CCDC158: variants seen among roughly 807,000 people sequenced by gnomAD.
CCDC158 encodes coiled-coil domain containing 158.
CCDC158 carries 116 observed loss-of-function variants against 138.6 expected under a neutral mutation model. The ratio of observed to expected loss-of-function variants is 0.84; its 90% CI spans 0.72 to 0.98. CCDC158 has a LOEUF of 0.98. Ranked by LOEUF, CCDC158 falls within the 50% of genes least tolerant of loss-of-function variation. The pLI is 0.00. For synonymous variants in CCDC158, 436 were observed against 442.4 expected (o/e 0.99, Z 0.18); for missense variants, 1,265 against 1,306.1 (o/e 0.97, Z 0.48).
At chr4:76,368,842 G>A (rs779522805) in intron 11 of CCDC158, among the ~76,000 whole-genome samples, 1 of 152,180 alleles carries the variant, frequency 6.6e-6, no homozygotes, top group Non-Finnish European at 1.5e-5. Flanking sequence ...TTAGGTAAAC[G>A]TGAAAAGGCA....
At chr4:76,353,383 T>C (rs1723239582) in intron 15 of CCDC158, 102 bp from the exon 16 acceptor site, 1 of 872,378 alleles carries the variant, frequency 1.1e-6, no homozygotes, top group South Asian at 1.9e-5. Context: ...CTGAACTAGG[T>C]AAGTTTAATT....
chr4:76,355,796 TAC>T, intron 14 of CCDC158, among the ~76,000 whole-genome samples: 1 of 96,540 alleles, frequency 1.0e-5, no homozygotes, highest in East Asian at 3.0e-4. Flanking sequence ...ATAATATATG[TAC>T]GTGTGTGTGT....
At chr4:76,413,043 A>T (rs999600735) in intron 1 of CCDC158, among the ~76,000 whole-genome samples, 1 of 152,070 alleles carries the variant, frequency 6.6e-6, no homozygotes, top group Non-Finnish European at 1.5e-5. Context: ...AGGCAACATC[A>T]CTTGTGCTTG....
intron 21 of CCDC158, 122 bp downstream of exon 21, chr4:76,331,222 C>A: frequency 2.4e-6 from 2 of 818,666 alleles, no homozygotes; most frequent in Non-Finnish European, 2.0e-6. Flanking sequence ...ATCTGTCTTG[C>A]TCACTATATT....
At chr4:76,369,235 T>TAAAC (rs1265892070) in intron 11 of CCDC158, among the ~76,000 whole-genome samples, 191 bp downstream of exon 11, 4 of 151,850 alleles carry the variant, frequency 2.6e-5, no homozygotes, top group Admixed American at 6.6e-5. Flanking sequence ...AATAAATAAA[T>TAAAC]AAACAAAAAA....
chr4:76,353,235 A>C lies in CCDC158; in HGVS notation c.2333T>G (p.Leu778Trp). ...GTTTTTTTCTGTGGCAACAGTACTCAATTCCTGACTGAGTTTACTTTTCTC... is the reference window on the plus strand; with the variant it reads ...GTTTTTTTCTGTGGCAACAGTACTCCATTCCTGACTGAGTTTACTTTTCTC... ...KEEKSKLSQE[L>W]STVATEKNKM... The change falls in exon 16 of 25, where the codon TTG (leucine) becomes TGG (tryptophan). Residue 778 changes from leucine to tryptophan, a missense_variant. Coordinates refer to ENST00000682701, the MANE Select transcript of CCDC158 (RefSeq NM_001394954.1). 2 of 1,612,368 alleles carry C rather than the reference A, an allele frequency of 1.2e-6. No individual in the cohort carries two copies. Among genetic ancestry groups the C allele is most frequent in the Non-Finnish European group, 1.7e-6 (2 of 1,179,380 alleles).
At chr4:76,399,390 C>T (rs1461830218) in intron 3 of CCDC158, among the ~76,000 whole-genome samples, 2 of 152,210 alleles carry the variant, frequency 1.3e-5, no homozygotes, top group East Asian at 3.9e-4. Context: ...TTGATAGGTG[C>T]GGCAAACCAC....
At chr4:76,319,197 G>GGGA (rs756800296) in intron 24 of CCDC158, among the ~76,000 whole-genome samples, 6 of 151,554 alleles carry the variant, frequency 4.0e-5, no homozygotes, top group Non-Finnish European at 8.8e-5. Flanking sequence ...GTGTGAACCC[G>GGGA]GGAGGCAGAG....
chr4:76,363,685 G>C (rs1314644360), intron 12 of CCDC158, among the ~76,000 whole-genome samples: 1 of 152,094 alleles, frequency 6.6e-6, no homozygotes. Flanking sequence ...AGTGAGCTTG[G>C]GGTAAGCAGG....
chr4:76,345,218 T>C (rs1324168412), intron 18 of CCDC158: 2 of 932,350 alleles, frequency 2.1e-6, no homozygotes, highest in Admixed American at 3.4e-5. Context: ...AAGTAGAGGG[T>C]CAAGTTTCAT....
chr4:76,375,428 A>T (rs1055761401), intron 9 of CCDC158: 49 of 538,060 alleles, frequency 9.1e-5, no homozygotes, highest in Admixed American at 3.0e-4. Flanking sequence ...GGGATGCTAC[A>T]GGCCAGCATG....
intron 21 of CCDC158, 103 bp downstream of exon 21, chr4:76,331,241 C>T: frequency 1.0e-6 from 1 of 975,598 alleles, no homozygotes; most frequent in Non-Finnish European, 1.6e-6. Context: ...TTCTAAGGGT[C>T]TACTGCAGTG....
In CCDC158 at chr4:76,367,398, G is replaced by A. The variant is rs1197433219; in HGVS notation, c.1726C>T (p.Gln576Ter). The change falls in exon 12 of 25, where the codon CAG becomes TAG. Residue 576 changes from glutamine to a stop codon, truncating the protein, a stop_gained. Transcript: ENST00000682701. LOFTEE classifies it high-confidence loss of function. ...ILRQQIENMTQLVGQHGRTAG... is the reference protein window; with the variant it reads ...ILRQQIENMT Reference sequence around the variant, plus strand: ...GTTCGTCCATGCTGGCCCACCAGCTGTGTCATGTTCTCAATCTGCTGTCGC... The same window carrying A: ...GTTCGTCCATGCTGGCCCACCAGCTATGTCATGTTCTCAATCTGCTGTCGC... 6.2e-7 allele frequency: 1 copy of A among 1,614,076 alleles called. No individual in the cohort carries two copies. The highest frequency in any genetic ancestry group is 8.5e-7 in the Non-Finnish European group (1 of 1,180,050).
In CCDC158 at chr4:76,403,173, T is replaced by A. The variant is rs762442108; in HGVS notation, c.35A>T (p.Asp12Val). 2.1e-5 allele frequency: 34 copies of A among 1,606,756 alleles called. No homozygotes were observed. The highest frequency in any genetic ancestry group is 2.8e-5 in the Non-Finnish European group (33 of 1,176,730). ...ESKAWESNNEDLLSSSGVTSN... is the reference protein window; with the variant it reads ...ESKAWESNNEVLLSSSGVTSN... ...TGTGACACCACTACTTGATAAAAGA[T>A]CTTCATTATTTGATTCCCAAGCTTT... The change falls in exon 3 of 25, where the codon GAT becomes GTT. Residue 12 changes from aspartate (D) to valine (V), a missense_variant. Physicochemically the swap from Asp to Val is radical, Grantham distance 152. Coordinates refer to ENST00000682701, the MANE Select transcript of CCDC158 (RefSeq NM_001394954.1).
chr4:76,351,085 A>G lies in CCDC158; in HGVS notation c.2575T>C (p.Leu859=), dbSNP rs201737865. The G allele has an allele frequency of 3.1e-6, 5 of 1,613,788 alleles. No individual in the cohort carries two copies. Among genetic ancestry groups the G allele is most frequent in the African/African-American group, 1.3e-5 (1 of 74,910 alleles). Residue 859 remains leucine (L), a synonymous_variant, in exon 18 of 25, where the codon TTG becomes CTG. Coordinates refer to ENST00000682701, the MANE Select transcript of CCDC158 (RefSeq NM_001394954.1). ...GCTGGCTGGAGAAGGCGTGGTTTCAATGAAGAATTTGAGGTGTATCCAGGG... is the reference window on the plus strand; with the variant it reads ...GCTGGCTGGAGAAGGCGTGGTTTCAGTGAAGAATTTGAGGTGTATCCAGGG... ...QGPGYTSNSS[L]KPRLLQPASV...
At chr4:76,391,752 C>T (rs1727332201) in intron 4 of CCDC158, among the ~76,000 whole-genome samples, 2 of 151,198 alleles carry the variant, frequency 1.3e-5, no homozygotes, top group Non-Finnish European at 3.0e-5. Context: ...AGAAGATAAA[C>T]AAAATTGACA....
intron 18 of CCDC158, chr4:76,345,167 G>T (rs927948995): frequency 3.0e-6 from 3 of 1,014,494 alleles, no homozygotes; most frequent in Non-Finnish European, 1.6e-6. Flanking sequence ...TCATCAAAAA[G>T]TACCTATTGA....
chr4:76,413,766 A>G lies in CCDC158; in HGVS notation c.-116-1634T>C, dbSNP rs563285422. The stretch of plus-strand genomic sequence containing the variant: ...CAGTTTGGACATTCTATGATTTCCC[A>G]TGGAAAACATCCAACAAAAACCTGA... On this transcript the variant is annotated intron_variant, in intron 1 of 24. Transcript: ENST00000682701. Among the ~76,000 whole-genome samples the G allele has an allele frequency of 2.0e-5, 3 of 152,304 alleles. No homozygotes were observed. The East Asian group carries it at 5.8e-4, about 29-fold the overall frequency.
chr4:76,331,314 A>T (rs760486186), intron 21 of CCDC158, 30 bp downstream of exon 21: 1 of 1,593,514 alleles, frequency 6.3e-7, no homozygotes, highest in African/African-American at 1.3e-5. Context: ...TAAAAGGGAC[A>T]TTTTGAAAAT....
Sources: allele counts gnomAD v4.1 joint callset (sites outside exome capture counted in the v4.1 genomes callset), GRCh38; gene constraint gnomAD v4.1.1; transcripts MANE v1.5; gene names NCBI Gene and HGNC (gene_info 2026-07-23, HGNC 2026-07-21).